CBFA2T2: variants seen among roughly 807,000 people sequenced by gnomAD.
CBFA2T2 encodes the protein CBFA2/RUNX1 partner transcriptional co-repressor 2.
A neutral mutation model predicts 62.2 loss-of-function variants in CBFA2T2; 11 were observed. That is an observed-to-expected ratio of 0.18 (90% CI 0.11 to 0.29). CBFA2T2 has a LOEUF of 0.29. Among genes scored for constraint, CBFA2T2 ranks in the 10% least tolerant of loss-of-function variants. The pLI is 1.00. For synonymous variants in CBFA2T2, 295 were observed against 287.5 expected (o/e 1.03, Z -0.27); for missense variants, 592 against 774.1 (o/e 0.76, Z 2.79).
chr20:33,640,326 G>A lies in CBFA2T2; in HGVS notation c.1298-15G>A. 6.2e-7 allele frequency: 1 copy of A among 1,605,718 alleles called. No homozygotes were observed. On this transcript the variant is annotated splice_polypyrimidine_tract_variant and intron_variant, in intron 9 of 10. Transcript: ENST00000342704. ...GATTTCTCGGCCAGTTGATTTTACT[G>A]TCACTTTCTTCTAGAAGAAGCTGTG...
chr20:33,629,393 C>T (rs937833441), intron 7 of CBFA2T2, among the ~76,000 whole-genome samples: 2 of 152,204 alleles, frequency 1.3e-5, no homozygotes, highest in Admixed American at 6.5e-5. Flanking sequence ...AGCAAATTTA[C>T]AGTGCTGCAG....
chr20:33,615,066 G>A (rs762463455), intron 3 of CBFA2T2, among the ~76,000 whole-genome samples: 11 of 152,162 alleles, frequency 7.2e-5, no homozygotes, highest in Non-Finnish European at 1.5e-4. Flanking sequence ...TATGTGTGGT[G>A]TGTACCTGTA....
rs536113447 is a variant in CBFA2T2, at chr20:33,619,765, T to G, written c.510+159T>G. Among the ~76,000 whole-genome samples, 3 of 152,224 alleles carry G rather than the reference T, an allele frequency of 2.0e-5. No homozygotes were observed. In the South Asian group the frequency reaches 6.2e-4, roughly 32 times the overall value. Reference sequence around the variant, plus strand: ...GTGCAGTTAACAGATAAACGTCAGGTTTAATGAGATGAGAATTGCAAAAGC... The same window carrying G: ...GTGCAGTTAACAGATAAACGTCAGGGTTAATGAGATGAGAATTGCAAAAGC... On this transcript the variant is annotated intron_variant, in intron 4 of 10. Transcript: ENST00000342704.
intron 1 of CBFA2T2, among the ~76,000 whole-genome samples, chr20:33,521,535 T>C (rs191550223): frequency 7.0e-4 from 106 of 152,322 alleles, no homozygotes; most frequent in Admixed American, 1.3e-3. Context: ...AAGATGGAAA[T>C]GCTGACCTGG....
At chr20:33,495,198 G>A (rs186660380) in intron 1 of CBFA2T2, among the ~76,000 whole-genome samples, 9 of 151,600 alleles carry the variant, frequency 5.9e-5, no homozygotes, top group Non-Finnish European at 1.3e-4. Context: ...GGAGTTTTGA[G>A]ACCAGCATGG....
intron 1 of CBFA2T2, among the ~76,000 whole-genome samples, chr20:33,582,437 G>A (rs769353692): frequency 5.9e-5 from 9 of 151,814 alleles, no homozygotes; most frequent in South Asian, 4.2e-4. Context: ...GCAGTGAGCC[G>A]AGACCACGCC....
chr20:33,632,490 A>G (rs1034658521), intron 8 of CBFA2T2, among the ~76,000 whole-genome samples: 11 of 121,148 alleles, frequency 9.1e-5, no homozygotes, highest in South Asian at 6.0e-4. Flanking sequence ...TTTTTTTTTA[A>G]CAGAGTCTAG....
chr20:33,617,703 A>G (rs1568855664), intron 3 of CBFA2T2, among the ~76,000 whole-genome samples: 1 of 152,224 alleles, frequency 6.6e-6, no homozygotes, highest in Non-Finnish European at 1.5e-5. Context: ...CCAGAATTAC[A>G]GGTTTCTTTT....
At chr20:33,548,306 C>T (rs931154700) in intron 1 of CBFA2T2, among the ~76,000 whole-genome samples, 4 of 151,274 alleles carry the variant, frequency 2.6e-5, no homozygotes, top group Non-Finnish European at 4.4e-5. Context: ...ATTGCAGTCA[C>T]GCAATCGGCT....
In CBFA2T2 at chr20:33,611,088, T is replaced by C; in HGVS notation, c.179-6T>C. 1 of 1,613,474 alleles carries C rather than the reference T, an allele frequency of 6.2e-7. No individual in the cohort carries two copies. Among genetic ancestry groups the C allele is most frequent in the East Asian group, 2.2e-5 (1 of 44,868 alleles). On this transcript the variant is annotated splice_region_variant and splice_polypyrimidine_tract_variant and intron_variant, in intron 2 of 10. Coordinates refer to ENST00000342704, the MANE Select transcript of CBFA2T2 (RefSeq NM_001032999.3). ...ACCTGAGTCTTTCATTTTGGCTTTCTTTTAGTAAGCAATGGCATCAACCAT... is the reference window on the plus strand; with the variant it reads ...ACCTGAGTCTTTCATTTTGGCTTTCCTTTAGTAAGCAATGGCATCAACCAT...
At chr20:33,533,249 A>G (rs1354088891) in intron 1 of CBFA2T2, among the ~76,000 whole-genome samples, 1 of 152,192 alleles carries the variant, frequency 6.6e-6, no homozygotes, top group Admixed American at 6.5e-5. Flanking sequence ...CATTCACTCC[A>G]TAAAGTATCC....
intron 1 of CBFA2T2, among the ~76,000 whole-genome samples, chr20:33,566,535 G>A (rs914813858): frequency 9.2e-5 from 14 of 152,046 alleles, no homozygotes; most frequent in African/African-American, 3.1e-4. Context: ...GAACCTGGGA[G>A]GCGGAAGTTG....
intron 1 of CBFA2T2, among the ~76,000 whole-genome samples, chr20:33,574,420 G>A (rs2013724214): frequency 6.6e-6 from 1 of 152,208 alleles, no homozygotes; most frequent in African/African-American, 2.4e-5. Flanking sequence ...GAGGTTGGGA[G>A]TTCCAGACCA....
chr20:33,500,411 T>A (rs1184158994), intron 1 of CBFA2T2, among the ~76,000 whole-genome samples: 2 of 147,734 alleles, frequency 1.4e-5, no homozygotes, highest in Non-Finnish European at 3.0e-5. Context: ...TCTTCTTATT[T>A]AAAAAAAAAA....
intron 1 of CBFA2T2, among the ~76,000 whole-genome samples, chr20:33,507,715 C>T (rs1199418716): frequency 6.6e-6 from 1 of 152,140 alleles, no homozygotes; most frequent in Non-Finnish European, 1.5e-5. Flanking sequence ...CTTTTTCCCC[C>T]CTACTGCTGA....
At chr20:33,513,438 C>A (rs1002048605) in intron 1 of CBFA2T2, among the ~76,000 whole-genome samples, 2 of 151,428 alleles carry the variant, frequency 1.3e-5, no homozygotes, top group Non-Finnish European at 2.9e-5. Context: ...CAGCTCACTG[C>A]AACCTTCACC....
At chr20:33,589,201 T>C (rs1328486262) in intron 1 of CBFA2T2, among the ~76,000 whole-genome samples, 1 of 152,180 alleles carries the variant, frequency 6.6e-6, no homozygotes, top group Non-Finnish European at 1.5e-5. Context: ...CACAAATGAA[T>C]GCCTCTGGCA....
At chr20:33,579,259 G>A (rs1356016067) in intron 1 of CBFA2T2, among the ~76,000 whole-genome samples, 1 of 151,390 alleles carries the variant, frequency 6.6e-6, no homozygotes, top group Non-Finnish European at 1.5e-5. Flanking sequence ...TTAGCGATGG[G>A]GTCTCACTGT....
At chr20:33,625,302 A>T (rs1002955576) in intron 6 of CBFA2T2, among the ~76,000 whole-genome samples, 2 of 152,162 alleles carry the variant, frequency 1.3e-5, no homozygotes, top group Non-Finnish European at 2.9e-5. Flanking sequence ...TCTGGGCAAC[A>T]TAGTGAGATC....
Sources: allele counts gnomAD v4.1 joint callset (sites outside exome capture counted in the v4.1 genomes callset), GRCh38; gene constraint gnomAD v4.1.1; transcripts MANE v1.5; gene names NCBI Gene and HGNC (gene_info 2026-07-23, HGNC 2026-07-21).